Variants in FBXO46 observed in about 807,000 individuals in gnomAD.
The protein encoded by FBXO46 is F-box protein 46.
A neutral mutation model predicts 30.7 loss-of-function variants in FBXO46; 13 were observed. That is an observed-to-expected ratio of 0.42 (90% CI 0.28 to 0.67). FBXO46 has a LOEUF of 0.67. Ranked by LOEUF, FBXO46 falls within the 30% of genes least tolerant of loss-of-function variation. The pLI is 0.21. For synonymous variants in FBXO46, 467 were observed against 385.8 expected, an observed-to-expected ratio of 1.21 and a Z score of -2.47; for missense variants, 754 against 871.5, an observed-to-expected ratio of 0.87 and a Z score of 1.70.
rs1312311053 is a variant in FBXO46, at chr19:45,712,725, C to T, written c.771G>A (p.Gly257=). The change falls in exon 2 of 2, where the codon GGG becomes GGA. Residue 257 remains glycine (G), a synonymous_variant. Coordinates refer to ENST00000317683, the MANE Select transcript of FBXO46 (RefSeq NM_001080469.2). The surrounding 1 kb of genome is among the most constrained non-coding windows in gnomAD (Gnocchi z 8.8). ...RKEERPGPGP[G]EVRIAFRISN... Reference sequence around the variant, plus strand: ...AGATGCGGAAGGCGATGCGCACCTCCCCAGGGCCTGGCCCGGGCCGCTCTT... The same window carrying T: ...AGATGCGGAAGGCGATGCGCACCTCTCCAGGGCCTGGCCCGGGCCGCTCTT... 1.9e-6 allele frequency: 3 copies of T among 1,612,244 alleles called. No individual in the cohort carries two copies. The highest frequency in any genetic ancestry group is 2.5e-6 in the Non-Finnish European group (3 of 1,179,238).
rs1600351244 is a variant in FBXO46 at position 45,710,965 on chromosome 19, T to G, written c.*719A>C. 5 of 208,664 alleles carry G rather than the reference T, an allele frequency of 2.4e-5. No individual in the cohort carries two copies. The highest frequency in any genetic ancestry group is 6.0e-5 in the Admixed American group (1 of 16,576). The allele number at this position is 208,664 out of a possible 1,614,324, so 12.9% of individuals were successfully genotyped here. A position where few individuals can be genotyped will look rare whatever the true frequency, so the allele number is the denominator to read the frequency against. On this transcript the variant is annotated 3_prime_UTR_variant, in exon 2 of 2. Coordinates refer to ENST00000317683, the MANE Select transcript of FBXO46 (RefSeq NM_001080469.2). ...AAAGGGCTTCACAGCTTTATGGGGG[T>G]GGGGTTGATGGCAGTAGCTTAAATA...
intron 1 of FBXO46, among the ~76,000 whole-genome samples, chr19:45,729,698 T>C (rs1968283105): frequency 6.6e-6 from 1 of 152,174 alleles, no homozygotes; most frequent in African/African-American, 2.4e-5. Context: ...ATGGAGAAAA[T>C]AACAGCACCT....
Position 45,712,420 on chromosome 19 carries a change from C to A in FBXO46, c.1076G>T (p.Cys359Phe), listed in dbSNP as rs1369208794. ...GTCCACGTGGAAGCCTGACGCTCCG[C>A]AGTCCCGGGCAGGGGGCGGAGGGGG... ...PAPPPPPARD[C>F]GASGFHVDVV... Residue 359 changes from cysteine to phenylalanine, a missense_variant, in exon 2 of 2, where the codon TGC becomes TTC. By Grantham distance (205) the Cys-to-Phe change is radical. This residue lies in a region of FBXO46 where 454 missense variants were observed against 426.5 expected (regional missense o/e 1.06). Transcript: ENST00000317683. This position sits in a 1 kb window ranked among gnomAD's most constrained non-coding sequence, Gnocchi z 8.8. The A allele has an allele frequency of 6.2e-7, 1 of 1,609,906 alleles. No homozygotes were observed. Among genetic ancestry groups the A allele is most frequent in the Non-Finnish European group, 8.5e-7 (1 of 1,179,692 alleles).
intron 1 of FBXO46, among the ~76,000 whole-genome samples, chr19:45,728,605 G>T (rs531942124): frequency 2.0e-5 from 3 of 152,342 alleles, no homozygotes; most frequent in South Asian, 4.1e-4. Flanking sequence ...GGAGGTTGAA[G>T]CAGGAAGACC....
At chr19:45,731,513 C>T (rs1302010510), upstream of FBXO46, among the ~76,000 whole-genome samples, 1 of 151,612 alleles carries the variant, frequency 6.6e-6, no homozygotes, top group Non-Finnish European at 1.5e-5. Context: ...AACGGAGTTT[C>T]ACCATGTTGG....
chr19:45,725,214 C>T (rs752837376), intron 1 of FBXO46, among the ~76,000 whole-genome samples: 5 of 151,856 alleles, frequency 3.3e-5, no homozygotes, highest in East Asian at 1.9e-4. Flanking sequence ...CTCAGGAGAT[C>T]GAGACCAGCC....
upstream of FBXO46, among the ~76,000 whole-genome samples, chr19:45,731,716 C>T (rs368611329): frequency 7.9e-5 from 12 of 152,208 alleles, no homozygotes; most frequent in African/African-American, 2.6e-4. Flanking sequence ...CATAGAATAG[C>T]AGCTCCACAT....
upstream of FBXO46, among the ~76,000 whole-genome samples, chr19:45,732,074 G>A (rs1459771807): frequency 6.7e-6 from 1 of 150,160 alleles, no homozygotes; most frequent in Non-Finnish European, 1.5e-5. Flanking sequence ...CCGAGATCGC[G>A]CCACTGCACT....
intron 1 of FBXO46, among the ~76,000 whole-genome samples, chr19:45,726,948 C>G (rs138610901): frequency 6.6e-6 from 1 of 152,194 alleles, no homozygotes; most frequent in Non-Finnish European, 1.5e-5. Context: ...TAAATGTGGT[C>G]CCATTTTTAC....
At chr19:45,725,203 G>C (rs1273395554) in intron 1 of FBXO46, among the ~76,000 whole-genome samples, 1 of 151,964 alleles carries the variant, frequency 6.6e-6, no homozygotes, top group Non-Finnish European at 1.5e-5. Context: ...GATCACTTGA[G>C]CTCAGGAGAT....
At chr19:45,714,290 C>T (rs1358880072) in intron 1 of FBXO46, 2 of 152,106 alleles carry the variant, frequency 1.3e-5, no homozygotes, top group African/African-American at 2.4e-5. Context: ...GCTGCTTAAA[C>T]CCACAGAGAG....
chr19:45,731,073 G>A (rs1002449886), upstream of FBXO46, among the ~76,000 whole-genome samples: 1 of 152,220 alleles, frequency 6.6e-6, no homozygotes, highest in Non-Finnish European at 1.5e-5. Context: ...AGACAAAGCC[G>A]GGGAGGACTT....
At chr19:45,714,972 T>C (rs568046554) in intron 1 of FBXO46, 5 of 152,284 alleles carry the variant, frequency 3.3e-5, no homozygotes, top group African/African-American at 1.2e-4. Context: ...TGCACACAGA[T>C]AAACAGAGGC....
intron 1 of FBXO46, among the ~76,000 whole-genome samples, chr19:45,722,560 A>C (rs569774264): frequency 2.6e-5 from 4 of 152,134 alleles, no homozygotes; most frequent in African/African-American, 9.6e-5. Flanking sequence ...CAGGAGATCG[A>C]GACCATCCTG....
Position 45,713,051 on chromosome 19 carries a change from C to A in FBXO46, c.445G>T (p.Gly149Cys). ...TCAGCAGCAGGGGGGCCCTCCCGGC[C>A]CCCTGGGTCAGGAGGAGCCTTGGTG... is the stretch of plus-strand genomic sequence containing the variant. ...DPTKAPPDPG[G>C]REGPPAAEEG... The change falls in exon 2 of 2, where the codon GGC (glycine) becomes TGC (cysteine). Residue 149 changes from glycine (G) to cysteine (C), a missense_variant. Coordinates refer to ENST00000317683, the MANE Select transcript of FBXO46 (RefSeq NM_001080469.2). This position sits in a 1 kb window ranked among gnomAD's most constrained non-coding sequence, Gnocchi z 4.7. 3 of 1,569,522 alleles carry A rather than the reference C, an allele frequency of 1.9e-6. No individual in the cohort carries two copies. Among genetic ancestry groups the A allele is most frequent in the Non-Finnish European group, 2.6e-6 (3 of 1,159,844 alleles).
chr19:45,727,049 G>C (rs1396091671), intron 1 of FBXO46, among the ~76,000 whole-genome samples: 1 of 152,082 alleles, frequency 6.6e-6, no homozygotes, highest in Non-Finnish European at 1.5e-5. Flanking sequence ...CTTGAGGTCA[G>C]GAGTTCAAGA....
chr19:45,732,363 T>C (rs1968330785), upstream of FBXO46, among the ~76,000 whole-genome samples: 1 of 151,724 alleles, frequency 6.6e-6, no homozygotes. Context: ...CTGAAATGTA[T>C]TGGATTTCAG....
intron 1 of FBXO46, among the ~76,000 whole-genome samples, chr19:45,727,547 ACT>A (rs1968255533): frequency 6.7e-6 from 1 of 149,684 alleles, no homozygotes; most frequent in South Asian, 2.1e-4. Context: ...CAACAGTGAG[ACT>A]CTGTCTCAAA....
intron 1 of FBXO46, among the ~76,000 whole-genome samples, chr19:45,723,921 T>C (rs1172996362): frequency 1.3e-5 from 2 of 152,076 alleles, no homozygotes; most frequent in African/African-American, 2.4e-5. Flanking sequence ...AAAAGAAAAC[T>C]TGTGCTTTTA....
Sources: gnomAD v4.1 joint callset for allele counts (sites outside exome capture counted in the v4.1 genomes callset) on GRCh38, gnomAD v4.1.1 for gene constraint, gnomAD v4.1.1 regional missense constraint, Gnocchi (gnomAD v3.1) non-coding constraint, MANE v1.5 for transcripts, NCBI Gene and HGNC (gene_info 2026-07-23, HGNC 2026-07-21) for gene names.